The following OR9I1 variants were observed in gnomAD, a reference collection of about 807,000 sequenced individuals.
OR9I1 encodes the protein olfactory receptor family 9 subfamily I member 1, also known as olfactory receptor 9I1.
In OR9I1, 7 loss-of-function variants were observed where a neutral mutation model predicts 11.2. The observed-to-expected ratio is 0.62, with a 90% CI of 0.36 to 1.17. The LOEUF (loss-of-function observed/expected upper bound fraction) is 1.17, where lower values mean the gene tolerates loss of function less well. Ranked by LOEUF, OR9I1 falls within the 50% of genes most tolerant of loss-of-function variation. OR9I1 has a pLI of 0.02. For missense variants in OR9I1, 428 were observed against 377.2 expected, an observed-to-expected ratio of 1.13 and a Z score of -1.12; for synonymous variants, 165 against 153.4, an observed-to-expected ratio of 1.08 and a Z score of -0.56.
At chr11:58,122,093 T>A (rs1854039343) in intron 2 of OR9I1, among the ~76,000 whole-genome samples, 1 of 152,196 alleles carries the variant, frequency 6.6e-6, no homozygotes, top group South Asian at 2.1e-4. Flanking sequence ...GAACTTGTGA[T>A]GAGGCCCCAT....
Position 58,118,803 on chromosome 11 carries a change from G to A in OR9I1, c.642C>T (p.Ile214=), listed in dbSNP as rs774375622. ...TGATGATGAGCAGATAGGAAATCAG[G>A]ATGACGGAGGCATTGGCCAAAATCA... ...NFVILANASV[I]LISYLLIIKT... Residue 214 remains isoleucine (I), a synonymous_variant, in exon 3 of 3, where the codon ATC becomes ATT. Coordinates refer to ENST00000641439, the MANE Select transcript of OR9I1 (RefSeq NM_001005211.2). 1 of 1,614,102 alleles carries A rather than the reference G, an allele frequency of 6.2e-7. No homozygotes were observed. Among genetic ancestry groups the A allele is most frequent in the Non-Finnish European group, 8.5e-7 (1 of 1,180,006 alleles).
rs1854082744 is a variant in OR9I1, at chr11:58,125,530, G to C, written c.-481C>G. The C allele has an allele frequency of 6.6e-6, 1 of 152,184 alleles. No individual in the cohort carries two copies. The highest frequency in any genetic ancestry group is 6.5e-5 in the Admixed American group (1 of 15,278). 9.4% of individuals were successfully genotyped at this position (152,184 alleles called of 1,614,324 possible). A position where few individuals can be genotyped will look rare whatever the true frequency, so the allele number is the denominator to read the frequency against. Reference sequence around the variant, plus strand: ...GAAAGCAGCTAAGATTGCTCAAATAGACGTATGTAGCTGACTGACTTTAGG... The same window carrying C: ...GAAAGCAGCTAAGATTGCTCAAATACACGTATGTAGCTGACTGACTTTAGG... On this transcript the variant is annotated 5_prime_UTR_variant, in exon 1 of 3. Transcript: ENST00000641439.
At chr11:58,120,208 T>A (rs1854014709) in intron 2 of OR9I1, among the ~76,000 whole-genome samples, 1 of 152,186 alleles carries the variant, frequency 6.6e-6, no homozygotes, top group Admixed American at 6.5e-5. Flanking sequence ...ATAAATAATA[T>A]GTTCAAACTC....
Position 58,118,450 on chromosome 11 carries a change from A to T in OR9I1, c.*50T>A. 1 of 1,236,666 alleles carries T rather than the reference A, an allele frequency of 8.1e-7. No individual in the cohort carries two copies. The highest frequency in any genetic ancestry group is 1.1e-6 in the Non-Finnish European group (1 of 877,010). 76.6% of individuals were successfully genotyped at this position (1,236,666 alleles called of 1,614,324 possible). ...ATAGTAATGGTGCCTATTAGGATAT[A>T]TTCATATGGGAAGAAAGTGGACTAA... On this transcript the variant is annotated 3_prime_UTR_variant, in exon 3 of 3. Coordinates refer to ENST00000641439, the MANE Select transcript of OR9I1 (RefSeq NM_001005211.2).
Position 58,118,898 on chromosome 11 carries a change from G to C in OR9I1, c.547C>G (p.Pro183Ala), listed in dbSNP as rs141404154. 2 of 1,614,054 alleles carry C rather than the reference G, an allele frequency of 1.2e-6. No individual in the cohort carries two copies. Among genetic ancestry groups the C allele is most frequent in the South Asian group, 1.1e-5 (1 of 91,070 alleles). The change falls in exon 3 of 3, where the codon CCC becomes GCC. Residue 183 changes from proline (P) to alanine (A), a missense_variant. Pro to Ala is a conservative substitution (Grantham distance 27, BLOSUM62 -1). Coordinates refer to ENST00000641439, the MANE Select transcript of OR9I1 (RefSeq NM_001005211.2). ...TCACTGCAGGCAAGCTTCAGCAGGG[G>C]TGGGAGGTCACAGAAGAAGAAGTTT... is the stretch of plus-strand genomic sequence containing the variant. ...QINFFFCDLP[P>A]LLKLACSDTA... is the part of the protein sequence containing the mutation.
intron 2 of OR9I1, among the ~76,000 whole-genome samples, chr11:58,120,568 CACTGA>C (rs1446873524): frequency 2.0e-5 from 3 of 151,766 alleles, no homozygotes; most frequent in Non-Finnish European, 4.4e-5. Flanking sequence ...GAGCAGTATA[CACTGA>C]ACTCAATTTG....
intron 2 of OR9I1, among the ~76,000 whole-genome samples, chr11:58,120,965 A>G (rs1446438723): frequency 1.3e-5 from 2 of 151,810 alleles, no homozygotes; most frequent in Non-Finnish European, 2.9e-5. Flanking sequence ...TTCATATGGG[A>G]ATGCTTGCTA....
intron 1 of OR9I1, 48 bp downstream of exon 1, chr11:58,125,226 C>A (rs1364258790): frequency 1.2e-5 from 1 of 86,020 alleles, no homozygotes; most frequent in African/African-American, 4.3e-5. Flanking sequence ...TGTAGATTCC[C>A]CCCTTACCCA....
chr11:58,121,696 T>C (rs1375826646), intron 2 of OR9I1, among the ~76,000 whole-genome samples: 1 of 152,232 alleles, frequency 6.6e-6, no homozygotes, highest in African/African-American at 2.4e-5. Context: ...GCCATGAATA[T>C]AGAAATTAGA....
In OR9I1 at chr11:58,119,127, G is replaced by A; in HGVS notation, c.318C>T (p.Ile106=). ...GCAGAAAGCACTCTGTGCCTGCACAGATGGTGAATAAAAAGAACTGGGCAG... is the reference window on the plus strand; with the variant it reads ...GCAGAAAGCACTCTGTGCCTGCACAAATGGTGAATAAAAAGAACTGGGCAG... ...HCAAQFFLFT[I]CAGTECFLLA... is the part of the protein sequence containing the mutation. The change falls in exon 3 of 3, where the codon ATC becomes ATT. Residue 106 remains isoleucine, a synonymous_variant. Coordinates refer to ENST00000641439, the MANE Select transcript of OR9I1 (RefSeq NM_001005211.2). The A allele has an allele frequency of 5.0e-6, 8 of 1,614,028 alleles. No individual in the cohort carries two copies. Among genetic ancestry groups the A allele is most frequent in the Non-Finnish European group, 6.8e-6 (8 of 1,179,982 alleles).
At chr11:58,122,858 TGTG>T (rs1854048372) in intron 2 of OR9I1, among the ~76,000 whole-genome samples, 1 of 152,160 alleles carries the variant, frequency 6.6e-6, no homozygotes, top group East Asian at 1.9e-4. Flanking sequence ...ATATAGTGGC[TGTG>T]GTGTGTTTTA....
At position 58,118,020 on chromosome 11, in the gene OR9I1, C is replaced by G. The variant is rs957900224; in HGVS notation, c.*480G>C. 6.5e-6 allele frequency: 1 copy of G among 152,726 alleles called. No homozygotes were observed. The highest frequency in any genetic ancestry group is 1.5e-5 in the Non-Finnish European group (1 of 68,554). 9.5% of individuals were successfully genotyped at this position (152,726 alleles called of 1,614,324 possible). ...AGACTGAGTTTTTCCTTATACAATA[C>G]TCCCTGCTTAGTGAGGTGATCAGTC... On this transcript the variant is annotated 3_prime_UTR_variant, in exon 3 of 3. Transcript: ENST00000641439.
At chr11:58,125,232 ACCC>A (rs1854078040) in intron 1 of OR9I1, 39 bp downstream of exon 1, 3 of 58,484 alleles carry the variant, frequency 5.1e-5, no homozygotes, top group Admixed American at 2.0e-4. Flanking sequence ...TTCCCCCCTT[ACCC>A]ACCGCCCCCC....
intron 2 of OR9I1, among the ~76,000 whole-genome samples, chr11:58,123,681 G>A (rs1332273969): frequency 6.6e-6 from 1 of 152,112 alleles, no homozygotes; most frequent in African/African-American, 2.4e-5. Context: ...TTTGAACCTA[G>A]GACATTCTAA....
At chr11:58,122,649 C>G (rs996043751) in intron 2 of OR9I1, among the ~76,000 whole-genome samples, 1 of 152,128 alleles carries the variant, frequency 6.6e-6, no homozygotes, top group Non-Finnish European at 1.5e-5. Flanking sequence ...GGCCTTTACT[C>G]CTCAGTTCCT....
intron 2 of OR9I1, among the ~76,000 whole-genome samples, chr11:58,120,038 ATAAT>A (rs1565081964): frequency 6.6e-6 from 1 of 152,222 alleles, no homozygotes; most frequent in Admixed American, 6.5e-5. Context: ...GTCTTACTAT[ATAAT>A]TATTCAATGG....
chr11:58,119,275 G>T lies in OR9I1; in HGVS notation c.170C>A (p.Thr57Asn), dbSNP rs1299009391. The T allele has an allele frequency of 3.7e-6, 6 of 1,613,998 alleles. No homozygotes were observed. The highest frequency in any genetic ancestry group is 5.1e-6 in the Non-Finnish European group (6 of 1,179,922). The change falls in exon 3 of 3, where the codon ACC becomes AAC. Residue 57 changes from threonine to asparagine, a missense_variant. By Grantham distance (65) the Thr-to-Asn change is moderately conservative. Coordinates refer to ENST00000641439, the MANE Select transcript of OR9I1 (RefSeq NM_001005211.2). ...MLIQVDVKLY[T>N]PMYFFLSHLS... Reference sequence around the variant, plus strand: ...GTGGCTCAGGAAGAAGTACATTGGGGTGTAGAGTTTGACATCTACTTGGAT... The same window carrying T: ...GTGGCTCAGGAAGAAGTACATTGGGTTGTAGAGTTTGACATCTACTTGGAT...
intron 2 of OR9I1, among the ~76,000 whole-genome samples, chr11:58,124,182 G>A (rs1291423479): frequency 6.6e-6 from 1 of 152,074 alleles, no homozygotes; most frequent in Non-Finnish European, 1.5e-5. Context: ...GCTTGGGTGA[G>A]GCCAAGAGTA....
rs1854070439 is a variant in OR9I1, at chr11:58,124,600, G to A, written c.-185C>T. ...TTGCTGAGCTCTTGCTCCAAGTCAG[G>A]TAGATGCTAAGCACTTTAAAGGCTT... On this transcript the variant is annotated 5_prime_UTR_variant, in exon 2 of 3. Coordinates refer to ENST00000641439, the MANE Select transcript of OR9I1 (RefSeq NM_001005211.2). 1 of 152,132 alleles carries A rather than the reference G, an allele frequency of 6.6e-6. No individual in the cohort carries two copies. The highest frequency in any genetic ancestry group is 2.1e-4 in the South Asian group (1 of 4,820). 9.4% of individuals were successfully genotyped at this position (152,132 alleles called of 1,614,324 possible). A position where few individuals can be genotyped will look rare whatever the true frequency, so the allele number is the denominator to read the frequency against.
Sources: gnomAD v4.1 joint callset for allele counts (sites outside exome capture counted in the v4.1 genomes callset) on GRCh38, gnomAD v4.1.1 for gene constraint, MANE v1.5 for transcripts, NCBI Gene and HGNC (gene_info 2026-07-23, HGNC 2026-07-21) for gene names.